RABGAP1L: variants seen among roughly 807,000 people sequenced by gnomAD.
RABGAP1L encodes rab GTPase-activating protein 1-like.
In RABGAP1L, 63 loss-of-function variants were observed where a neutral mutation model predicts 137.7. The observed-to-expected ratio is 0.46, with a 90% CI of 0.37 to 0.56. The LOEUF is 0.56. RABGAP1L is among the 20% of genes least tolerant of loss of function. The pLI, the probability that RABGAP1L is intolerant of heterozygous loss-of-function variation, is 0.00. For synonymous variants in RABGAP1L, 431 were observed against 433.7 expected, an observed-to-expected ratio of 0.99 and a Z score of 0.08; for missense variants, 1,095 against 1,244.0, an observed-to-expected ratio of 0.88 and a Z score of 1.80.
rs185745487 is a variant in RABGAP1L at position 174,486,592 on chromosome 1, C to T, written c.1710+92447C>T. Among the ~76,000 whole-genome samples, 78 of 152,050 alleles carry T rather than the reference C, an allele frequency of 5.1e-4. 1 individual carries two copies. The highest frequency in any genetic ancestry group is 1.2e-3 in the African/African-American group (50 of 41,482). ...CGATCCCCTGACCTCGTGATCTGCC[C>T]GCCTCGGCCTCCCAAAGTGCTGGGA... On this transcript the variant is annotated intron_variant, in intron 13 of 25. Coordinates refer to ENST00000681986, the MANE Select transcript of RABGAP1L (RefSeq NM_001366446.1).
chr1:174,335,826 T>A (rs981795772), intron 11 of RABGAP1L, among the ~76,000 whole-genome samples: 1 of 152,224 alleles, frequency 6.6e-6, no homozygotes, highest in South Asian at 2.1e-4. Flanking sequence ...ATTAATTTGA[T>A]TCATGTAACA....
At position 174,484,761 on chromosome 1, in the gene RABGAP1L, G is replaced by C. The variant is rs573258697; in HGVS notation, c.1710+90616G>C. On this transcript the variant is annotated intron_variant, in intron 13 of 25. Coordinates refer to ENST00000681986, the MANE Select transcript of RABGAP1L (RefSeq NM_001366446.1). ...TGTGCCGTTTTGGTTATGTAGCTCT[G>C]TCATATAATTTGAAGTCAGTAATGT... Among the ~76,000 whole-genome samples, 5 of 152,208 alleles carry C rather than the reference G, an allele frequency of 3.3e-5. No homozygotes were observed. The East Asian group carries it at 7.7e-4, about 23-fold the overall frequency.
chr1:174,852,382 T>G (rs1272403240), intron 19 of RABGAP1L, among the ~76,000 whole-genome samples: 1 of 152,222 alleles, frequency 6.6e-6, no homozygotes, highest in African/African-American at 2.4e-5. Context: ...GTTGTGATGC[T>G]TTTTCTTTTT....
rs1391795989 is a variant in RABGAP1L at position 174,638,987 on chromosome 1, G to C, written c.1824+1499G>C. Among the ~76,000 whole-genome samples the C allele has an allele frequency of 4.1e-5, 6 of 147,296 alleles. No individual in the cohort carries two copies. In the East Asian group the frequency reaches 1.2e-3, roughly 29 times the overall value. ...ACCAGCATGGCACATGTATACATATGTATCTAACCTGCACAATGTGCACAT... is the reference window on the plus strand; with the variant it reads ...ACCAGCATGGCACATGTATACATATCTATCTAACCTGCACAATGTGCACAT... On this transcript the variant is annotated intron_variant, in intron 14 of 25. Transcript: ENST00000681986.
chr1:174,869,291 G>A (rs1296832863), intron 19 of RABGAP1L, among the ~76,000 whole-genome samples: 1 of 152,104 alleles, frequency 6.6e-6, no homozygotes, highest in Non-Finnish European at 1.5e-5. Flanking sequence ...CAGGGAGGGA[G>A]GTGAGTGGAT....
At chr1:174,249,050 C>T (rs1038557272) in intron 5 of RABGAP1L, among the ~76,000 whole-genome samples, 6 of 152,048 alleles carry the variant, frequency 3.9e-5, no homozygotes, top group Non-Finnish European at 8.8e-5. Context: ...AGAATAACTT[C>T]TGGAGAAGTG....
chr1:174,416,292 C>G (rs976324607), intron 13 of RABGAP1L, among the ~76,000 whole-genome samples: 3 of 151,990 alleles, frequency 2.0e-5, no homozygotes, highest in Non-Finnish European at 2.9e-5. Flanking sequence ...AAAAAGGAAA[C>G]TGCTCATCAG....
intron 13 of RABGAP1L, among the ~76,000 whole-genome samples, chr1:174,578,548 T>TTAC (rs1342336264): frequency 3.9e-5 from 6 of 152,116 alleles, no homozygotes; most frequent in African/African-American, 1.4e-4. Flanking sequence ...AGACCATTAC[T>TTAC]TACAATATGA....
intron 15 of RABGAP1L, among the ~76,000 whole-genome samples, chr1:174,684,464 C>T (rs58014193): frequency 0.016 from 2,373 of 152,226 alleles, 66 homozygotes; most frequent in African/African-American, 0.055. Context: ...AGCAATTGTA[C>T]ACGGGGAGTG....
intron 13 of RABGAP1L, among the ~76,000 whole-genome samples, chr1:174,566,885 A>C (rs892067602): frequency 1.3e-5 from 2 of 152,042 alleles, no homozygotes; most frequent in South Asian, 4.1e-4. Flanking sequence ...CTATGTAGAA[A>C]ATTTTCTAGC....
intron 13 of RABGAP1L, among the ~76,000 whole-genome samples, chr1:174,527,496 A>G (rs1208313480): frequency 1.3e-5 from 2 of 152,094 alleles, no homozygotes; most frequent in African/African-American, 4.8e-5. Flanking sequence ...GTGAGCTACC[A>G]TGCCTGGCCT....
At chr1:174,723,499 T>C (rs10494492) in intron 17 of RABGAP1L, among the ~76,000 whole-genome samples, 32,545 of 152,116 alleles carry the variant, frequency 0.21, 3,778 homozygotes, top group Admixed American at 0.25. Flanking sequence ...TAATCTAAAC[T>C]GGGAGAATAA....
chr1:174,220,725 AT>A, intron 2 of RABGAP1L: 1 of 278,252 alleles, frequency 3.6e-6, no homozygotes, highest in Non-Finnish European at 6.5e-6. Context: ...CTTATATAAA[AT>A]GTAGTTGGAA....
intron 13 of RABGAP1L, among the ~76,000 whole-genome samples, chr1:174,630,187 A>G (rs1323163369): frequency 6.6e-6 from 1 of 150,450 alleles, no homozygotes; most frequent in African/African-American, 2.5e-5. Context: ...TATATGCTGG[A>G]TTACATTTAT....
chr1:174,764,137 G>A (rs1438571505), intron 18 of RABGAP1L, among the ~76,000 whole-genome samples: 1 of 152,118 alleles, frequency 6.6e-6, no homozygotes, highest in East Asian at 1.9e-4. Context: ...GCATATATCA[G>A]TTCTTAATTC....
At chr1:174,674,210 G>C (rs1287658319) in intron 14 of RABGAP1L, among the ~76,000 whole-genome samples, 1 of 151,038 alleles carries the variant, frequency 6.6e-6, no homozygotes, top group Non-Finnish European at 1.5e-5. Context: ...TTAGCATTAG[G>C]TGTATCTCCT....
At chr1:174,304,164 G>A (rs1677978938) in intron 10 of RABGAP1L, among the ~76,000 whole-genome samples, 1 of 152,070 alleles carries the variant, frequency 6.6e-6, no homozygotes, top group African/African-American at 2.4e-5. Context: ...TTTTGATTAT[G>A]ACATTAATTG....
intron 19 of RABGAP1L, among the ~76,000 whole-genome samples, chr1:174,930,605 C>T (rs1231659418): frequency 1.3e-5 from 2 of 152,224 alleles, no homozygotes; most frequent in African/African-American, 4.8e-5. Flanking sequence ...GCATGAGCCA[C>T]TGCGCCCAGC....
chr1:174,223,379 G>T lies in RABGAP1L; in HGVS notation c.331+2215G>T, dbSNP rs187965328. Among the ~76,000 whole-genome samples the T allele has an allele frequency of 9.7e-3, 1,386 of 143,116 alleles. 13 individuals carry two copies. The highest frequency in any genetic ancestry group is 0.026 in the South Asian group (116 of 4,396). 93.9% of individuals were successfully genotyped at this position (143,116 alleles called of 152,430 possible). A position where few individuals can be genotyped will look rare whatever the true frequency, so the allele number is the denominator to read the frequency against. ...AGTCACTTGAACCCAGGAGGTGGAG[G>T]TTGCAATGAACTGAGATCATGCCAC... On this transcript the variant is annotated intron_variant, in intron 3 of 25. Coordinates refer to ENST00000681986, the MANE Select transcript of RABGAP1L (RefSeq NM_001366446.1).
Sources: gnomAD v4.1 joint callset for allele counts (sites outside exome capture counted in the v4.1 genomes callset) on GRCh38, gnomAD v4.1.1 for gene constraint, MANE v1.5 for transcripts, NCBI Gene and HGNC (gene_info 2026-07-23, HGNC 2026-07-21) for gene names.